Variants in OC90 observed in about 807,000 individuals in gnomAD.
The protein encoded by OC90 is otoconin-90.
Under a neutral mutation model 47.3 loss-of-function variants are expected in OC90, and 46 were observed. That is an observed-to-expected ratio of 0.97 (90% CI 0.77 to 1.24). The LOEUF is 1.24. OC90 is among the 50% of genes most tolerant of loss of function. The pLI is 0.00. For missense variants in OC90, 688 were observed against 583.9 expected (o/e 1.18, Z -1.84); for synonymous variants, 271 against 219.5 (o/e 1.23, Z -2.07).
At chr8:132,052,099 C>G (rs963888595) in intron 2 of OC90, among the ~76,000 whole-genome samples, 24 of 152,166 alleles carry the variant, frequency 1.6e-4, no homozygotes, top group African/African-American at 5.8e-4. Context: ...GGGAGCTGAC[C>G]ACGCATTTCT....
intron 4 of OC90, among the ~76,000 whole-genome samples, chr8:132,042,585 G>A (rs1823070135): frequency 1.3e-5 from 2 of 152,120 alleles, no homozygotes; most frequent in African/African-American, 2.4e-5. Context: ...TTATGTTCAC[G>A]TGTATTTAAT....
chr8:132,054,020 T>C (rs537269175), intron 2 of OC90, among the ~76,000 whole-genome samples: 3 of 152,322 alleles, frequency 2.0e-5, no homozygotes, highest in East Asian at 3.9e-4. Flanking sequence ...CATTGTCTTG[T>C]ATCTGACTCA....
At chr8:132,040,270 G>C (rs573449215) in intron 6 of OC90, among the ~76,000 whole-genome samples, 2 of 152,358 alleles carry the variant, frequency 1.3e-5, no homozygotes, top group Non-Finnish European at 2.9e-5. Context: ...CTTTGGGCAA[G>C]TTATTTAAGC....
chr8:132,027,101 C>CCTGT (rs1822771270), intron 13 of OC90, among the ~76,000 whole-genome samples: 1 of 152,130 alleles, frequency 6.6e-6, no homozygotes, highest in African/African-American at 2.4e-5. Context: ...CCCAAATTAT[C>CCTGT]CTGTTCTCAC....
Position 132,024,362 on chromosome 8 carries a change from C to T in OC90, c.*119G>A, listed in dbSNP as rs571583139. ...GGGCTCACGGCCTCTGTTCCCTCCC[C>T]GCCTCTGAGTTAAAGGAAGGGAAGA... On this transcript the variant is annotated 3_prime_UTR_variant, in exon 14 of 14. Coordinates refer to ENST00000254627, the MANE Select transcript of OC90 (RefSeq NM_001080399.3). 1.1e-4 allele frequency: 89 copies of T among 819,976 alleles called. No homozygotes were observed. The highest frequency in any genetic ancestry group is 8.7e-4 in the South Asian group (43 of 49,474). 50.8% of individuals were successfully genotyped at this position (819,976 alleles called of 1,614,324 possible).
At chr8:132,049,004 A>T (rs1353357891) in intron 2 of OC90, among the ~76,000 whole-genome samples, 2 of 151,570 alleles carry the variant, frequency 1.3e-5, no homozygotes, top group Non-Finnish European at 2.9e-5. Context: ...TAATTCCATG[A>T]TGAATTTGCT....
intron 2 of OC90, among the ~76,000 whole-genome samples, chr8:132,053,936 T>G (rs565670714): frequency 6.6e-6 from 1 of 152,206 alleles, no homozygotes; most frequent in Non-Finnish European, 1.5e-5. Flanking sequence ...CTCCCCGTCC[T>G]GCTGGAGGGA....
At chr8:132,028,559 A>AAGG (rs1822801360) in intron 13 of OC90, among the ~76,000 whole-genome samples, 1 of 12,170 alleles carries the variant, frequency 8.2e-5, no homozygotes, top group Non-Finnish European at 1.7e-4. Context: ...AGAAAGAAAG[A>AAGG]AAGAAAGGAA....
chr8:132,037,578 T>A, intron 8 of OC90, 90 bp from the exon 9 acceptor site: 1 of 1,156,236 alleles, frequency 8.6e-7, no homozygotes, highest in South Asian at 1.3e-5. Flanking sequence ...GGCTGGTTGC[T>A]GGCCCAAGGG....
At chr8:132,041,823 T>C in intron 4 of OC90, 124 bp from the exon 5 acceptor site, 1 of 577,462 alleles carries the variant, frequency 1.7e-6, no homozygotes, top group Non-Finnish European at 3.0e-6. Flanking sequence ...GCACCTACTC[T>C]GTAATAAAAC....
intron 10 of OC90, among the ~76,000 whole-genome samples, chr8:132,034,563 C>G (rs1822926208): frequency 1.3e-5 from 2 of 152,282 alleles, no homozygotes; most frequent in African/African-American, 4.8e-5. Context: ...TTGAGATCCC[C>G]TCACTCTCTT....
chr8:132,036,908 CTG>C (rs1420667721), intron 9 of OC90, among the ~76,000 whole-genome samples: 1 of 152,208 alleles, frequency 6.6e-6, no homozygotes, highest in Non-Finnish European at 1.5e-5. Context: ...ATAGTGTGTG[CTG>C]TTTTTTATAG....
At chr8:132,028,607 G>T (rs1822805449) in intron 13 of OC90, among the ~76,000 whole-genome samples, 1 of 55,050 alleles carries the variant, frequency 1.8e-5, no homozygotes, top group Non-Finnish European at 4.3e-5. Context: ...AGGAGGGAAG[G>T]AGGGAAGGAG....
intron 2 of OC90, chr8:132,049,757 T>C: frequency 2.0e-6 from 1 of 497,190 alleles, no homozygotes; most frequent in Non-Finnish European, 4.1e-6. Context: ...TGGTTTGAGG[T>C]TGCATTTCTC....
intron 4 of OC90, among the ~76,000 whole-genome samples, chr8:132,043,562 A>G (rs1823085560): frequency 6.6e-6 from 1 of 152,138 alleles, no homozygotes; most frequent in South Asian, 2.1e-4. Context: ...ACCCCTCACT[A>G]CTGATTTAAC....
chr8:132,057,648 T>C (rs1269290023), intron 1 of OC90, among the ~76,000 whole-genome samples: 1 of 152,254 alleles, frequency 6.6e-6, no homozygotes, highest in Admixed American at 6.5e-5. Flanking sequence ...TGGTCAATAT[T>C]ATGTATATTT....
At chr8:132,050,123 C>T (rs1823192433) in intron 2 of OC90, among the ~76,000 whole-genome samples, 1 of 152,138 alleles carries the variant, frequency 6.6e-6, no homozygotes, top group Admixed American at 6.5e-5. Context: ...AGTAATAAGC[C>T]TTACCTCACT....
chr8:132,038,429 GGA>G (rs1313009779), intron 8 of OC90, among the ~76,000 whole-genome samples: 1 of 152,124 alleles, frequency 6.6e-6, no homozygotes, highest in Non-Finnish European at 1.5e-5. Context: ...TACTTAGTTA[GGA>G]GAGACTTCAC....
rs906418975 is a variant in OC90, at chr8:132,024,331, T to G, written c.*150A>C. 1.6e-5 allele frequency: 10 copies of G among 615,116 alleles called. No homozygotes were observed. Among genetic ancestry groups the G allele is most frequent in the African/African-American group, 9.2e-5 (5 of 54,576 alleles). The allele number at this position is 615,116 out of a possible 1,614,324, so 38.1% of individuals were successfully genotyped here. On this transcript the variant is annotated 3_prime_UTR_variant, in exon 14 of 14. Transcript: ENST00000254627. Reference sequence around the variant, plus strand: ...TGAGGTGACCACAGCTGATGAGGCATGGGCAGGGCTCACGGCCTCTGTTCC... The same window carrying G: ...TGAGGTGACCACAGCTGATGAGGCAGGGGCAGGGCTCACGGCCTCTGTTCC...
Sources: allele counts gnomAD v4.1 joint callset (sites outside exome capture counted in the v4.1 genomes callset), GRCh38; gene constraint gnomAD v4.1.1; transcripts MANE v1.5; gene names NCBI Gene and HGNC (gene_info 2026-07-23, HGNC 2026-07-21).